ADGRB1: variants seen among roughly 807,000 people sequenced by gnomAD.
The protein encoded by ADGRB1 is brain-specific angiogenesis inhibitor 1.
ADGRB1 carries 36 observed loss-of-function variants against 175.7 expected under a neutral mutation model. The ratio of observed to expected loss-of-function variants is 0.20; its 90% confidence interval spans 0.16 to 0.27. The LOEUF is 0.27. Among genes scored for constraint, ADGRB1 ranks in the 10% least tolerant of loss-of-function variants. The pLI is 1.00. For missense variants in ADGRB1, 1,731 were observed against 2,255.3 expected (o/e 0.77, Z 4.71); for synonymous variants, 1,054 against 979.4 (o/e 1.08, Z -1.42).
In ADGRB1 at chr8:142,477,289, C is replaced by T. The variant is rs1198142087; in HGVS notation, c.1222+11C>T. 4.4e-6 allele frequency: 7 copies of T among 1,589,420 alleles called. No individual in the cohort carries two copies. The highest frequency in any genetic ancestry group is 2.3e-5 in the East Asian group (1 of 44,422). ...CTGCCGTGTGCCCAGGTGGGTGGGA[C>T]CTTGGGCTGGGGCAGCGGACAGCCA... On this transcript the variant is annotated intron_variant, in intron 5 of 30. Transcript: ENST00000517894.
rs1028632485 is a variant in ADGRB1, at chr8:142,542,536, G to A, written c.4302G>A (p.Pro1434=). 31 of 1,446,754 alleles carry A rather than the reference G, an allele frequency of 2.1e-5. No individual in the cohort carries two copies. Among genetic ancestry groups the A allele is most frequent in the African/African-American group, 1.2e-4 (8 of 65,604 alleles). The allele number at this position is 1,446,754 out of a possible 1,614,324, so 89.6% of individuals were successfully genotyped here. Residue 1434 remains proline, a synonymous_variant, in exon 28 of 31, where the codon CCG becomes CCA. Coordinates refer to ENST00000517894, the MANE Select transcript of ADGRB1 (RefSeq NM_001702.3). This position sits in a 1 kb window ranked among gnomAD's most constrained non-coding sequence, Gnocchi z 6.3. The stretch of plus-strand genomic sequence containing the variant: ...TGCCCCCACCGCCCAATCTGGAGCC[G>A]GCACCCCCCAGCCTGGGGGATCCCG... ...QPLPPPPNLE[P]APPSLGDPGE... is the part of the protein sequence containing the mutation.
intron 2 of ADGRB1, among the ~76,000 whole-genome samples, chr8:142,466,667 C>T (rs1164258252): frequency 2.0e-5 from 3 of 152,116 alleles, no homozygotes; most frequent in East Asian, 3.9e-4. Flanking sequence ...TTGGTGAGGG[C>T]GGCTTCTGTG....
rs768175309 is a variant in ADGRB1 at position 142,489,450 on chromosome 8, C to T, written c.2631+12C>T. The T allele has an allele frequency of 2.5e-6, 4 of 1,609,618 alleles. No homozygotes were observed. In the African/African-American group the frequency reaches 4.0e-5, roughly 16 times the overall value. ...CCCACATGTATAATGTGAGTGCCGTCCACGTGCACACTCTGATGCCAGCAG... is the reference window on the plus strand; with the variant it reads ...CCCACATGTATAATGTGAGTGCCGTTCACGTGCACACTCTGATGCCAGCAG... On this transcript the variant is annotated intron_variant, in intron 16 of 30. Coordinates refer to ENST00000517894, the MANE Select transcript of ADGRB1 (RefSeq NM_001702.3).
At position 142,489,116 on chromosome 8, in the gene ADGRB1, G is replaced by A. The variant is rs760115389; in HGVS notation, c.2528+6G>A. The A allele has an allele frequency of 5.0e-6, 8 of 1,601,854 alleles. No homozygotes were observed. Among genetic ancestry groups the A allele is most frequent in the Non-Finnish European group, 6.0e-6 (7 of 1,176,374 alleles). ...AGCTTCCTGGCCCTGCAGAGGTGGG[G>A]AGCCCTGGGCAGGTGGGGTGGGCAG... is the stretch of plus-strand genomic sequence containing the variant. On this transcript the variant is annotated splice_donor_region_variant and intron_variant, in intron 15 of 30. Transcript: ENST00000517894.
chr8:142,450,454 C>A (rs1397213170), intron 1 of ADGRB1, among the ~76,000 whole-genome samples: 1 of 152,156 alleles, frequency 6.6e-6, no homozygotes, highest in Non-Finnish European at 1.5e-5. Flanking sequence ...ATGCACAGGG[C>A]AGGCTGGGGA....
At chr8:142,457,866 A>G (rs1839765752) in intron 1 of ADGRB1, among the ~76,000 whole-genome samples, 1 of 152,072 alleles carries the variant, frequency 6.6e-6, no homozygotes, top group Non-Finnish European at 1.5e-5. Flanking sequence ...CCAGGACCTC[A>G]CAGGTGGGGG....
chr8:142,544,281 C>T lies in ADGRB1; in HGVS notation c.4619C>T (p.Thr1540Met), dbSNP rs773201018. 169 of 1,549,228 alleles carry T rather than the reference C, an allele frequency of 1.1e-4. No individual in the cohort carries two copies. Among genetic ancestry groups the T allele is most frequent in the South Asian group, 4.5e-4 (38 of 84,040 alleles). Residue 1540 changes from threonine (T) to methionine (M), a missense_variant, in exon 31 of 31, where the codon ACG (threonine) becomes ATG (methionine). By Grantham distance (81) the Thr-to-Met change is moderately conservative (BLOSUM62 -1). Transcript: ENST00000517894. ...PWESLRKAHGTPTWVKKELEP... is the reference protein window; with the variant it reads ...PWESLRKAHGMPTWVKKELEP... The stretch of plus-strand genomic sequence containing the variant: ...GAGAGCCTCCGGAAAGCCCACGGGA[C>T]GCCCACGTGGGTGAAGAAGGAGCTG...
intron 17 of ADGRB1, among the ~76,000 whole-genome samples, chr8:142,501,014 G>C (rs1420569396): frequency 6.6e-6 from 1 of 152,176 alleles, no homozygotes; most frequent in East Asian, 1.9e-4. Context: ...GACATGGTGA[G>C]CACGGGATAA....
intron 13 of ADGRB1, among the ~76,000 whole-genome samples, chr8:142,485,214 G>A (rs111830204): frequency 7.2e-5 from 11 of 152,356 alleles, no homozygotes; most frequent in Non-Finnish European, 1.0e-4. Flanking sequence ...AGATGATAAC[G>A]GTGCCCATCT....
intron 27 of ADGRB1, among the ~76,000 whole-genome samples, chr8:142,541,644 C>T (rs1169318148): frequency 1.3e-5 from 2 of 152,160 alleles, no homozygotes; most frequent in Non-Finnish European, 2.9e-5. Flanking sequence ...CTCTTCTCAG[C>T]GCTGGGGAGG....
rs1048221290 is a variant in ADGRB1 at position 142,464,857 on chromosome 8, C to G, written c.659C>G (p.Ala220Gly). The change falls in exon 2 of 31, where the codon GCG becomes GGG. Residue 220 changes from alanine to glycine, a missense_variant. This residue lies in a region of ADGRB1 where 383 missense variants were observed against 383.1 expected (regional missense o/e 1.00). Coordinates refer to ENST00000517894, the MANE Select transcript of ADGRB1 (RefSeq NM_001702.3). Reference sequence around the variant, plus strand: ...CCCTGCGCCTGCCTGGGCGGCGAGGCGGGCGGCCCTGCCGCGGGACCCCTG... The same window carrying G: ...CCCTGCGCCTGCCTGGGCGGCGAGGGGGGCGGCCCTGCCGCGGGACCCCTG... ...QTPCACLGGE[A>G]GGPAAGPLAP... 1 of 1,520,674 alleles carries G rather than the reference C, an allele frequency of 6.6e-7. No homozygotes were observed. The highest frequency in any genetic ancestry group is 1.2e-5 in the South Asian group (1 of 81,914). The allele number at this position is 1,520,674 out of a possible 1,614,324, so 94.2% of individuals were successfully genotyped here.
chr8:142,530,201 G>A (rs971380160), intron 24 of ADGRB1, among the ~76,000 whole-genome samples: 3 of 152,026 alleles, frequency 2.0e-5, no homozygotes, highest in African/African-American at 4.8e-5. Context: ...TGTGTATGTG[G>A]GAATGTGTTT....
In ADGRB1 at chr8:142,493,906, G is replaced by A. The variant is rs556099668; in HGVS notation, c.2675+3091G>A. On this transcript the variant is annotated intron_variant, in intron 17 of 30. Transcript: ENST00000517894. This position sits in a 1 kb window ranked among gnomAD's most constrained non-coding sequence, Gnocchi z 5.0. ...ACTCCTCGCCCTGTGAACTGTCTCCGGGGAGCTGAGTTTCCCAGTTGACCT... is the reference window on the plus strand; with the variant it reads ...ACTCCTCGCCCTGTGAACTGTCTCCAGGGAGCTGAGTTTCCCAGTTGACCT... 1.2e-4 allele frequency among the ~76,000 whole-genome samples: 18 copies of A among 152,314 alleles called. No individual in the cohort carries two copies. Among genetic ancestry groups the A allele is most frequent in the Admixed American group, 2.6e-4 (4 of 15,308 alleles).
At chr8:142,473,490 T>TC (rs1840773488) in intron 2 of ADGRB1, among the ~76,000 whole-genome samples, 1 of 152,184 alleles carries the variant, frequency 6.6e-6, no homozygotes, top group Non-Finnish European at 1.5e-5. Flanking sequence ...TTGTCCTGAG[T>TC]TAGGGCATGT....
intron 25 of ADGRB1, among the ~76,000 whole-genome samples, chr8:142,534,853 C>G (rs1234737445): frequency 6.6e-6 from 1 of 152,204 alleles, no homozygotes; most frequent in Non-Finnish European, 1.5e-5. Flanking sequence ...GCAATGAACT[C>G]GTGTTAGTGA....
At position 142,543,369 on chromosome 8, in the gene ADGRB1, T is replaced by C. The variant is rs1309282271; in HGVS notation, c.4414-34T>C. On this transcript the variant is annotated intron_variant, in intron 28 of 30. Coordinates refer to ENST00000517894, the MANE Select transcript of ADGRB1 (RefSeq NM_001702.3). This position sits in a 1 kb window ranked among gnomAD's most constrained non-coding sequence, Gnocchi z 4.4. Reference sequence around the variant, plus strand: ...AGAGGCGTGGACTTGTCAGGGACCCTTGGCGAATGTTCGCAAACCCCTTCT... The same window carrying C: ...AGAGGCGTGGACTTGTCAGGGACCCCTGGCGAATGTTCGCAAACCCCTTCT... 6.2e-7 allele frequency: 1 copy of C among 1,613,020 alleles called. No individual in the cohort carries two copies. Among genetic ancestry groups the C allele is most frequent in the Non-Finnish European group, 8.5e-7 (1 of 1,179,472 alleles).
chr8:142,497,831 G>T lies in ADGRB1; in HGVS notation c.2675+7016G>T, dbSNP rs541537433. Among the ~76,000 whole-genome samples, 7 of 152,336 alleles carry T rather than the reference G, an allele frequency of 4.6e-5. No homozygotes were observed. The South Asian group carries it at 1.4e-3, about 32-fold the overall frequency. Reference sequence around the variant, plus strand: ...TGTTCTTTCTGGGCGCAGGGTCCTTGCCCATGCAGGGGCTCGTGGCAGCTT... The same window carrying T: ...TGTTCTTTCTGGGCGCAGGGTCCTTTCCCATGCAGGGGCTCGTGGCAGCTT... On this transcript the variant is annotated intron_variant, in intron 17 of 30. Coordinates refer to ENST00000517894, the MANE Select transcript of ADGRB1 (RefSeq NM_001702.3).
chr8:142,488,628 C>T (rs374737900), intron 14 of ADGRB1, 121 bp downstream of exon 14: 1 of 1,342,462 alleles, frequency 7.4e-7, no homozygotes, highest in Admixed American at 2.4e-5. Context: ...CAAGGGGGTC[C>T]TCTTTTCCAG....
At chr8:142,475,392 G>A (rs1023707690) in intron 2 of ADGRB1, 82 bp from the exon 3 acceptor site, 3 of 1,226,078 alleles carry the variant, frequency 2.4e-6, no homozygotes, top group South Asian at 4.1e-5. Flanking sequence ...CGGCCTCGGC[G>A]GGCTTAGCAC....
Sources: allele counts gnomAD v4.1 joint callset (sites outside exome capture counted in the v4.1 genomes callset), GRCh38; gene constraint gnomAD v4.1.1; regional missense constraint gnomAD v4.1.1; non-coding constraint Gnocchi (gnomAD v3.1); transcripts MANE v1.5; gene names NCBI Gene and HGNC (gene_info 2026-07-23, HGNC 2026-07-21).